FTO: variants seen among roughly 807,000 people sequenced by gnomAD.
FTO encodes alpha-ketoglutarate-dependent dioxygenase FTO.
Under a neutral mutation model 63.9 loss-of-function variants are expected in FTO, and 47 were observed. That is an observed-to-expected ratio of 0.74 (90% CI 0.58 to 0.94). The LOEUF is 0.94. Among genes scored for constraint, FTO ranks in the 40% least tolerant of loss-of-function variants. The probability of loss-of-function intolerance (pLI) is 0.00; values close to 1 mark genes in which losing one functional copy is unlikely to be tolerated. For missense variants in FTO, 562 were observed against 618.1 expected, an observed-to-expected ratio of 0.91 and a Z score of 0.96; for synonymous variants, 207 against 224.4, an observed-to-expected ratio of 0.92 and a Z score of 0.69.
intron 8 of FTO, among the ~76,000 whole-genome samples, chr16:53,950,056 A>G (rs1045963779): frequency 1.4e-5 from 2 of 138,276 alleles, no homozygotes; most frequent in African/African-American, 5.2e-5. Flanking sequence ...GGGGGAAAGT[A>G]AAGGTTTATT....
intron 3 of FTO, 121 bp downstream of exon 3, chr16:53,826,612 T>A: frequency 1.1e-6 from 1 of 870,554 alleles, no homozygotes; most frequent in Non-Finnish European, 1.9e-6. Context: ...CGTGTGTACA[T>A]GCACATGCGT....
chr16:53,738,832 T>C (rs942942563), intron 1 of FTO, among the ~76,000 whole-genome samples: 1 of 152,166 alleles, frequency 6.6e-6, no homozygotes, highest in Admixed American at 6.5e-5. Context: ...TACTTGTTAT[T>C]GCCTATTTAA....
At chr16:54,024,628 A>G (rs1298928967) in intron 8 of FTO, among the ~76,000 whole-genome samples, 2 of 152,128 alleles carry the variant, frequency 1.3e-5, no homozygotes, top group African/African-American at 4.8e-5. Context: ...CCACTTACAA[A>G]CTACATGGCA....
intron 1 of FTO, among the ~76,000 whole-genome samples, chr16:53,737,532 G>A (rs1037063328): frequency 6.6e-6 from 1 of 151,474 alleles, no homozygotes; most frequent in Non-Finnish European, 1.5e-5. Flanking sequence ...CATATAAAAG[G>A]TGCAGTCAAA....
intron 8 of FTO, among the ~76,000 whole-genome samples, chr16:54,065,893 T>C (rs1258688262): frequency 3.9e-5 from 6 of 152,204 alleles, no homozygotes; most frequent in Non-Finnish European, 8.8e-5. Flanking sequence ...CTTTAGTATA[T>C]TTGGAACCCG....
chr16:54,002,547 C>T (rs1311352255), intron 8 of FTO, among the ~76,000 whole-genome samples: 1 of 152,208 alleles, frequency 6.6e-6, no homozygotes, highest in African/African-American at 2.4e-5. Context: ...GTGAGGAAAG[C>T]AGCACAGGCG....
intron 1 of FTO, among the ~76,000 whole-genome samples, chr16:53,749,595 C>T (rs1327682047): frequency 2.6e-5 from 4 of 152,006 alleles, no homozygotes; most frequent in Admixed American, 1.3e-4. Context: ...CCCGCCATCA[C>T]GCCCGGCCAA....
chr16:54,061,217 A>G (rs370738332), intron 8 of FTO, among the ~76,000 whole-genome samples: 1 of 152,216 alleles, frequency 6.6e-6, no homozygotes, highest in South Asian at 2.1e-4. Context: ...GTGATGACAG[A>G]ATGTCATAGT....
intron 8 of FTO, among the ~76,000 whole-genome samples, chr16:53,995,085 C>T (rs1288918555): frequency 2.0e-5 from 3 of 152,190 alleles, no homozygotes; most frequent in African/African-American, 7.2e-5. Context: ...TGCAGTGGCC[C>T]TGTTGGAATC....
intron 7 of FTO, among the ~76,000 whole-genome samples, chr16:53,931,298 CTTTTT>C (rs869204000): frequency 2.9e-5 from 3 of 101,944 alleles, no homozygotes; most frequent in African/African-American, 3.8e-5. Context: ...AACTATGTGA[CTTTTT>C]TTTTTTTTTT....
At chr16:53,757,471 A>G (rs1038053136) in intron 1 of FTO, among the ~76,000 whole-genome samples, 3 of 151,932 alleles carry the variant, frequency 2.0e-5, no homozygotes. Flanking sequence ...ATATTCATAT[A>G]TGAATACATA....
intron 8 of FTO, among the ~76,000 whole-genome samples, chr16:54,032,450 C>T (rs1467696644): frequency 2.6e-5 from 4 of 152,116 alleles, no homozygotes; most frequent in African/African-American, 9.7e-5. Context: ...CTAAAGTGCA[C>T]AACATTCTTC....
chr16:53,892,209 A>C (rs925792318), intron 7 of FTO, among the ~76,000 whole-genome samples: 1 of 151,994 alleles, frequency 6.6e-6, no homozygotes, highest in African/African-American at 2.4e-5. Flanking sequence ...GTGGCTGGTT[A>C]GATTTCTACT....
chr16:54,054,219 C>T (rs753261964), intron 8 of FTO, among the ~76,000 whole-genome samples: 4 of 152,176 alleles, frequency 2.6e-5, no homozygotes, highest in Admixed American at 6.5e-5. Flanking sequence ...CAAGAGACTC[C>T]TTCCATGAAC....
intron 4 of FTO, among the ~76,000 whole-genome samples, chr16:53,850,849 A>G (rs1251979908): frequency 6.6e-6 from 1 of 152,180 alleles, no homozygotes; most frequent in African/African-American, 2.4e-5. Flanking sequence ...TGATGGTTGC[A>G]CATCTCTGAA....
At chr16:53,950,682 C>A (rs889600570) in intron 8 of FTO, among the ~76,000 whole-genome samples, 3 of 152,220 alleles carry the variant, frequency 2.0e-5, no homozygotes, top group African/African-American at 7.2e-5. Flanking sequence ...TAACTTACAG[C>A]TTGCATTAAT....
At chr16:53,704,909 A>G (rs1218813966) in intron 1 of FTO, among the ~76,000 whole-genome samples, 1 of 152,244 alleles carries the variant, frequency 6.6e-6, no homozygotes, top group East Asian at 1.9e-4. Context: ...ATAACAGCCC[A>G]GCTTCACAGA....
intron 8 of FTO, among the ~76,000 whole-genome samples, chr16:53,951,652 CTAT>C (rs59928795): frequency 0.021 from 3,245 of 152,208 alleles, 109 homozygotes; most frequent in African/African-American, 0.074. Context: ...ATCATGCACT[CTAT>C]TATTATTAAC....
At chr16:53,925,731 C>A (rs894211440) in intron 7 of FTO, among the ~76,000 whole-genome samples, 1 of 152,096 alleles carries the variant, frequency 6.6e-6, no homozygotes, top group South Asian at 2.1e-4. Context: ...CTCTGAAAAC[C>A]CTACATGCAA....
Sources: gnomAD v4.1 joint callset for allele counts (sites outside exome capture counted in the v4.1 genomes callset) on GRCh38, gnomAD v4.1.1 for gene constraint, MANE v1.5 for transcripts, NCBI Gene and HGNC (gene_info 2026-07-23, HGNC 2026-07-21) for gene names.